PRH1: variants seen among roughly 807,000 people sequenced by gnomAD.
PRH1 encodes the protein proline rich protein HaeIII subfamily 1, also known as salivary acidic proline-rich phosphoprotein 1/2.
Under a neutral mutation model 7.9 loss-of-function variants are expected in PRH1, and 7 were observed. The ratio of observed to expected loss-of-function variants is 0.89; its 90% CI spans 0.50 to 1.67. PRH1 has a LOEUF of 1.67. PRH1 is among the 40% of genes most tolerant of loss of function. The pLI is 0.00. For missense variants in PRH1, 109 were observed against 223.6 expected, an observed-to-expected ratio of 0.49 and a Z score of 3.27; for synonymous variants, 45 against 80.8, an observed-to-expected ratio of 0.56 and a Z score of 2.38.
intron 1 of PRH1, chr12:11,133,809 C>CA: frequency 6.2e-7 from 1 of 1,614,120 alleles, no homozygotes; most frequent in Non-Finnish European, 8.5e-7. Context: ...ATGTTTATCA[C>CA]AAAAAGATGA....
rs569392967 is a variant in PRH1, at chr12:10,942,569, A to G, written c.-59+31086T>C. Among the ~76,000 whole-genome samples the G allele has an allele frequency of 7.9e-5, 12 of 152,218 alleles. No homozygotes were observed. The East Asian group carries it at 9.7e-4, about 12-fold the overall frequency. ...GTCTCACTCCCACCATGCCTCCCCA[A>G]TGGCACCCTGTCTGTTTCCAGACAG... is the stretch of plus-strand genomic sequence containing the variant. On this transcript the variant is annotated intron_variant, in intron 2 of 3. Coordinates refer to the PRH1 transcript ENST00000539853.
At position 10,909,690 on chromosome 12, in the gene PRH1, GC is replaced by G. The variant is rs1312599438; in HGVS notation, c.-58-25416del. 3 of 180,188 alleles carry G rather than the reference GC, an allele frequency of 1.7e-5. No individual in the cohort carries two copies. The East Asian group carries it at 4.6e-4, about 27-fold the overall frequency. 11.2% of individuals were successfully genotyped at this position (180,188 alleles called of 1,614,324 possible). A position where few individuals can be genotyped will look rare whatever the true frequency, so the allele number is the denominator to read the frequency against. ...GAGCATAGAAAATTAGATTCAACCAGCTTGAGTTCTGAGGTACAAATATTAT... is the reference window on the plus strand; with the variant it reads ...GAGCATAGAAAATTAGATTCAACCAGTTGAGTTCTGAGGTACAAATATTAT... On this transcript the variant is annotated intron_variant, in intron 2 of 3. Coordinates refer to the PRH1 transcript ENST00000539853.
intron 1 of PRH1, among the ~76,000 whole-genome samples, chr12:11,053,044 A>C (rs984196438): frequency 1.4e-4 from 21 of 152,418 alleles, no homozygotes; most frequent in African/African-American, 4.8e-4. Context: ...TTCAATTTGA[A>C]AGAAACTGGA....
At chr12:10,962,914 C>T (rs1938314522) in intron 2 of PRH1, among the ~76,000 whole-genome samples, 1 of 152,202 alleles carries the variant, frequency 6.6e-6, no homozygotes, top group Admixed American at 6.5e-5. Context: ...GGACTACAGG[C>T]TCCCGCCACC....
At chr12:10,986,118 G>A (rs202189587) in intron 1 of PRH1, 86 of 1,614,022 alleles carry the variant, frequency 5.3e-5, no homozygotes, top group Admixed American at 8.3e-5. Flanking sequence ...ACTCCAAACC[G>A]AAACGATTAG....
At chr12:11,136,808 C>T (rs1309824315) in intron 1 of PRH1, among the ~76,000 whole-genome samples, 2 of 152,082 alleles carry the variant, frequency 1.3e-5, no homozygotes, top group Non-Finnish European at 2.9e-5. Context: ...GGCAGGAGCA[C>T]CCAGGAGTTC....
At chr12:11,134,872 T>G (rs1946500526) in intron 1 of PRH1, among the ~76,000 whole-genome samples, 1 of 152,174 alleles carries the variant, frequency 6.6e-6, no homozygotes, top group African/African-American at 2.4e-5. Flanking sequence ...CTAATACTTT[T>G]GTGTAACTTC....
chr12:10,907,580 A>G (rs1321651180), intron 2 of PRH1, among the ~76,000 whole-genome samples: 1 of 151,970 alleles, frequency 6.6e-6, no homozygotes, highest in African/African-American at 2.4e-5. Context: ...AGATGCATAA[A>G]ATTCTAGAAA....
chr12:10,885,523 G>A (rs1949477548), upstream of PRH1, among the ~76,000 whole-genome samples: 1 of 151,920 alleles, frequency 6.6e-6, no homozygotes, highest in Admixed American at 6.6e-5. Context: ...TTTCCAAAAA[G>A]CCCTGTCAGG....
intron 2 of PRH1, chr12:10,964,621 G>A (rs1938413758): frequency 2.1e-6 from 1 of 481,010 alleles, no homozygotes. Context: ...ATGTGATTAG[G>A]GACAGAAAGT....
intron 1 of PRH1, among the ~76,000 whole-genome samples, chr12:11,072,371 A>G (rs1005971907): frequency 2.0e-5 from 3 of 152,090 alleles, no homozygotes; most frequent in African/African-American, 7.2e-5. Flanking sequence ...GTTTGCTGTT[A>G]TTACCTCTTC....
Position 10,882,688 on chromosome 12 carries a change from G to A in PRH1, c.111C>T (p.Asp37=). 1 of 1,574,014 alleles carries A rather than the reference G, an allele frequency of 6.4e-7. No homozygotes were observed. The highest frequency in any genetic ancestry group is 8.6e-7 in the Non-Finnish European group (1 of 1,163,152). ...GCTCCTCATCTAGGAACTGCTCAGA[G>A]TCTCCTCCATCTGTGTGAGTTGAAA... ...DVPLVISDGG[D]SEQFLDEERQ... is the part of the protein sequence containing the mutation. Residue 37 remains aspartate (D), a synonymous_variant, in exon 3 of 4, where the codon GAC becomes GAT. Coordinates refer to ENST00000543626, the MANE Select transcript of PRH1 (RefSeq NM_001393989.1).
chr12:11,065,255 GT>G (rs1005742995), intron 1 of PRH1, among the ~76,000 whole-genome samples: 6 of 151,820 alleles, frequency 4.0e-5, no homozygotes, highest in Non-Finnish European at 8.8e-5. Flanking sequence ...TACCTTTCAG[GT>G]TTTTTATTGG....
intron 1 of PRH1, chr12:11,031,439 G>A (rs1431318275): frequency 1.5e-5 from 20 of 1,318,924 alleles, no homozygotes; most frequent in Middle Eastern, 1.9e-4. Flanking sequence ...TGGAGCCACC[G>A]ACCTTCACGG....
chr12:10,952,006 C>G (rs79474658), intron 2 of PRH1, among the ~76,000 whole-genome samples: 4,584 of 152,178 alleles, frequency 0.03, 168 homozygotes, highest in African/African-American at 0.079. Context: ...TTTACAACAG[C>G]CTTAGGATAG....
intron 2 of PRH1, among the ~76,000 whole-genome samples, chr12:10,959,713 C>G (rs1565500632): frequency 1.3e-5 from 2 of 152,094 alleles, no homozygotes; most frequent in South Asian, 4.1e-4. Flanking sequence ...CTGCCAATAT[C>G]TGCAATGCTA....
intron 1 of PRH1, chr12:11,133,898 A>T (rs774044398): frequency 9.9e-6 from 16 of 1,614,068 alleles, no homozygotes; most frequent in Middle Eastern, 1.6e-4. Context: ...AAGAAAAATA[A>T]GGTTGGAGAA....
At chr12:11,128,411 C>A (rs1224786702) in intron 1 of PRH1, among the ~76,000 whole-genome samples, 1 of 152,050 alleles carries the variant, frequency 6.6e-6, no homozygotes, top group African/African-American at 2.4e-5. Context: ...TATAGCTATG[C>A]TCTGAGACTC....
rs980704134 is a variant in PRH1, at chr12:11,134,007, C to T, written n.40-12827G>A. 5.0e-6 allele frequency: 8 copies of T among 1,611,848 alleles called. No individual in the cohort carries two copies. In the African/African-American group the frequency reaches 5.4e-5, roughly 11 times the overall value. ...CAGACATTATAAGCAGTAATTCTTA[C>T]TTCTACACTATAAAAAGCTGGATTC... On this transcript the variant is annotated intron_variant and non_coding_transcript_variant, in intron 1 of 1. Coordinates refer to the PRH1 transcript ENST00000541175.
Sources: gnomAD v4.1 joint callset for allele counts (sites outside exome capture counted in the v4.1 genomes callset) on GRCh38, gnomAD v4.1.1 for gene constraint, MANE v1.5 for transcripts, NCBI Gene and HGNC (gene_info 2026-07-23, HGNC 2026-07-21) for gene names.